NRTN: variants seen among roughly 807,000 people sequenced by gnomAD.
NRTN encodes prepro-neurturin.
In NRTN, 3 loss-of-function variants were observed where a neutral mutation model predicts 7.5. The observed-to-expected ratio is 0.40, with a 90% CI of 0.18 to 1.03. The LOEUF (loss-of-function observed/expected upper bound fraction) is 1.03. Ranked by LOEUF, NRTN falls within the 50% of genes least tolerant of loss-of-function variation. The pLI, the probability that NRTN is intolerant of heterozygous loss-of-function variation, is 0.34. For synonymous variants in NRTN, 157 were observed against 146.6 expected, an observed-to-expected ratio of 1.07 and a Z score of -0.51; for missense variants, 310 against 307.0, an observed-to-expected ratio of 1.01 and a Z score of -0.07.
chr19:5,811,739 T>C (rs563857200), intron 1 of NRTN, among the ~76,000 whole-genome samples: 12 of 150,790 alleles, frequency 8.0e-5, no homozygotes, highest in African/African-American at 2.9e-4. Context: ...TCAGTAGAGA[T>C]GGAGTTTCAC....
chr19:5,809,710 G>A (rs2056984239), intron 1 of NRTN, among the ~76,000 whole-genome samples: 1 of 152,098 alleles, frequency 6.6e-6, no homozygotes, highest in African/African-American at 2.4e-5. Context: ...GGGCACTCTG[G>A]GCTTTCTGCC....
At chr19:5,816,444 T>A (rs1446237178) in intron 1 of NRTN, among the ~76,000 whole-genome samples, 1 of 152,190 alleles carries the variant, frequency 6.6e-6, no homozygotes, top group Non-Finnish European at 1.5e-5. Context: ...AGTGGTGCAG[T>A]CTCGGCTCGC....
chr19:5,827,930 G>A lies in NRTN; in HGVS notation c.351G>A (p.Leu117=), dbSNP rs1430798255. 6 of 1,483,376 alleles carry A rather than the reference G, an allele frequency of 4.0e-6. No individual in the cohort carries two copies. The highest frequency in any genetic ancestry group is 5.4e-6 in the Non-Finnish European group (6 of 1,121,402). The allele number at this position is 1,483,376 out of a possible 1,614,324, so 91.9% of individuals were successfully genotyped here. A position where few individuals can be genotyped will look rare whatever the true frequency, so the allele number is the denominator to read the frequency against. Residue 117 remains leucine (L), a synonymous_variant, in exon 3 of 3, where the codon CTG becomes CTA. Coordinates refer to ENST00000303212, the MANE Select transcript of NRTN (RefSeq NM_004558.5). ...AGGTGCGCGTGAGCGAGCTGGGCCT[G>A]GGCTACGCGTCCGACGAGACGGTGC... ...ELEVRVSELG[L]GYASDETVLF...
intron 1 of NRTN, among the ~76,000 whole-genome samples, chr19:5,812,484 TG>T (rs1202298171): frequency 3.3e-5 from 5 of 152,198 alleles, no homozygotes; most frequent in African/African-American, 9.6e-5. Flanking sequence ...CCCTGACACA[TG>T]AAGCCACCCC....
intron 1 of NRTN, among the ~76,000 whole-genome samples, chr19:5,822,939 G>A (rs1026491763): frequency 6.6e-6 from 1 of 151,824 alleles, no homozygotes; most frequent in Non-Finnish European, 1.5e-5. Flanking sequence ...TGGGAGGATC[G>A]CTTGAGCCTA....
rs2144753803 is a variant in NRTN at position 5,806,029 on chromosome 19, C to A, written c.-399+578C>A. On this transcript the variant is annotated intron_variant, in intron 1 of 2. Coordinates refer to ENST00000303212, the MANE Select transcript of NRTN (RefSeq NM_004558.5). The surrounding 1 kb of genome is among the most constrained non-coding windows in gnomAD (Gnocchi z 5.4). The stretch of plus-strand genomic sequence containing the variant: ...AGCAGCCCGTTCAGCCACCAGAGGG[C>A]GTGAAACCCTTTGGTGTTGGGGGTG... Among the ~76,000 whole-genome samples the A allele has an allele frequency of 6.6e-6, 1 of 152,248 alleles. No individual in the cohort carries two copies. The highest frequency in any genetic ancestry group is 2.4e-5 in the African/African-American group (1 of 41,578).
intron 1 of NRTN, among the ~76,000 whole-genome samples, chr19:5,816,545 A>AT (rs2057005742): frequency 3.3e-5 from 5 of 151,500 alleles, no homozygotes; most frequent in Non-Finnish European, 1.5e-5. Flanking sequence ...TGACTGGCTA[A>AT]TTTTTTTTGT....
At chr19:5,820,830 A>G (rs1338585726) in intron 1 of NRTN, among the ~76,000 whole-genome samples, 1 of 151,344 alleles carries the variant, frequency 6.6e-6, no homozygotes, top group Admixed American at 6.6e-5. Context: ...CTTCTGCAAA[A>G]CCTCAAGAAT....
rs2056990633 is a variant in NRTN, at chr19:5,811,591, GGC to G, written c.-399+6144_-399+6145del. ...CCTGTCGCCTAGGCTGGAGTGCACT[GGC>G]GCGATCTTGGCTCACTGCAACCTCC... is the stretch of plus-strand genomic sequence containing the variant. On this transcript the variant is annotated intron_variant, in intron 1 of 2. Transcript: ENST00000303212. Among the ~76,000 whole-genome samples, 3 of 152,264 alleles carry G rather than the reference GGC, an allele frequency of 2.0e-5. No homozygotes were observed. The South Asian group carries it at 6.2e-4, about 32-fold the overall frequency.
intron 1 of NRTN, among the ~76,000 whole-genome samples, chr19:5,817,430 A>G (rs1329396645): frequency 7.1e-6 from 1 of 141,044 alleles, no homozygotes; most frequent in African/African-American, 2.7e-5. Flanking sequence ...AGAGAGAGAA[A>G]GAGAGAAAGG....
At chr19:5,816,833 G>A (rs2057006474) in intron 1 of NRTN, among the ~76,000 whole-genome samples, 1 of 152,216 alleles carries the variant, frequency 6.6e-6, no homozygotes, top group Non-Finnish European at 1.5e-5. Flanking sequence ...TGTTTTGAAT[G>A]AAGGTGGAAG....
intron 2 of NRTN, among the ~76,000 whole-genome samples, chr19:5,825,864 G>A (rs1449101902): frequency 6.6e-6 from 1 of 152,228 alleles, no homozygotes; most frequent in Non-Finnish European, 1.5e-5. Context: ...GCCAGGTGCG[G>A]TGGCTCACGC....
intron 1 of NRTN, among the ~76,000 whole-genome samples, chr19:5,812,060 A>G (rs2144757648): frequency 6.7e-6 from 1 of 149,782 alleles, no homozygotes; most frequent in South Asian, 2.1e-4. Flanking sequence ...TTTAGTAGAG[A>G]CAGGGTTTCA....
chr19:5,825,799 G>T (rs1263836419), intron 2 of NRTN, among the ~76,000 whole-genome samples: 1 of 152,224 alleles, frequency 6.6e-6, no homozygotes, highest in African/African-American at 2.4e-5. Context: ...TGTGCAAGCA[G>T]CCAGCCCCGC....
chr19:5,815,679 G>A (rs1253219159), intron 1 of NRTN, among the ~76,000 whole-genome samples: 5 of 148,496 alleles, frequency 3.4e-5, no homozygotes, highest in African/African-American at 1.2e-4. Flanking sequence ...CCAGGGATCC[G>A]CCTGCCTCAG....
At chr19:5,826,518 C>T (rs915297858) in intron 2 of NRTN, among the ~76,000 whole-genome samples, 5 of 152,180 alleles carry the variant, frequency 3.3e-5, no homozygotes, top group Admixed American at 2.0e-4. Flanking sequence ...ACATCTCCTC[C>T]CCCACCAAAC....
chr19:5,826,134 CA>C (rs368989978), intron 2 of NRTN, among the ~76,000 whole-genome samples: 26,129 of 129,742 alleles, frequency 0.2, 2,914 homozygotes, highest in East Asian at 0.58. Context: ...GACTCCGTCT[CA>C]AAAAAAAAAA....
chr19:5,816,707 G>C (rs117674601), intron 1 of NRTN, among the ~76,000 whole-genome samples: 2,368 of 152,208 alleles, frequency 0.016, 27 homozygotes, highest in Middle Eastern at 0.055. Context: ...TTCTGAGACA[G>C]GGTCTCCCTA....
At chr19:5,819,963 C>T (rs1049386081) in intron 1 of NRTN, among the ~76,000 whole-genome samples, 2 of 152,000 alleles carry the variant, frequency 1.3e-5, no homozygotes, top group African/African-American at 4.8e-5. Flanking sequence ...AGTAGGTGAT[C>T]ATTAAGAATA....
Sources: gnomAD v4.1 joint callset for allele counts (sites outside exome capture counted in the v4.1 genomes callset) on GRCh38, gnomAD v4.1.1 for gene constraint, Gnocchi (gnomAD v3.1) non-coding constraint, MANE v1.5 for transcripts, NCBI Gene and HGNC (gene_info 2026-07-23, HGNC 2026-07-21) for gene names.